The following FLI1 variants were observed in gnomAD, a reference collection of about 807,000 sequenced individuals.
FLI1 encodes the protein Fli-1 proto-oncogene, ETS transcription factor.
In FLI1, 13 loss-of-function variants were observed where a neutral mutation model predicts 53.1. That is an observed-to-expected ratio of 0.24 (90% confidence interval 0.16 to 0.39). The LOEUF is 0.39. FLI1 is among the 10% of genes least tolerant of loss of function. The pLI is 1.00. For missense variants in FLI1, 424 were observed against 600.5 expected, an observed-to-expected ratio of 0.71 and a Z score of 3.07; for synonymous variants, 244 against 236.7, an observed-to-expected ratio of 1.03 and a Z score of -0.28.
chr11:128,799,058 C>CTTTTTT (rs1942544964), intron 5 of FLI1, among the ~76,000 whole-genome samples: 13 of 102,752 alleles, frequency 1.3e-4, no homozygotes, highest in African/African-American at 4.3e-4. Flanking sequence ...TATTATTTTG[C>CTTTTTT]TTTGGAGACA....
At chr11:128,688,295 A>G (rs934345978) in intron 1 of FLI1, among the ~76,000 whole-genome samples, 1 of 152,198 alleles carries the variant, frequency 6.6e-6, no homozygotes, top group African/African-American at 2.4e-5. Context: ...GCAGTCTGGG[A>G]GCTGTGGGCC....
In FLI1 at chr11:128,810,615, A is replaced by G; in HGVS notation, c.986A>G (p.Asn329Ser). The G allele has an allele frequency of 6.2e-7, 1 of 1,614,054 alleles. No homozygotes were observed. Among genetic ancestry groups the G allele is most frequent in the African/African-American group, 1.3e-5 (1 of 75,066 alleles). Residue 329 changes from asparagine (N) to serine (S), a missense_variant, in exon 9 of 9, where the codon AAC becomes AGC. Around this residue, in one of 5 missense-constraint regions of FLI1, gnomAD observed 71 missense variants for 174.2 expected, o/e 0.41. Transcript: ENST00000527786. The surrounding 1 kb of genome is among the most constrained non-coding windows in gnomAD (Gnocchi z 6.6). The part of the protein sequence containing the change: ...RRWGERKSKP[N>S]MNYDKLSRAL... ...TGGGGCGAGCGGAAAAGCAAGCCCA[A>G]CATGAATTACGACAAGCTGAGCCGG... is the stretch of plus-strand genomic sequence containing the variant.
intron 7 of FLI1, among the ~76,000 whole-genome samples, chr11:128,808,393 A>G (rs928198673): frequency 1.3e-5 from 2 of 152,232 alleles, no homozygotes; most frequent in African/African-American, 4.8e-5. Flanking sequence ...ACTAACAAAA[A>G]AGGAGATAAA....
intron 5 of FLI1, among the ~76,000 whole-genome samples, chr11:128,782,628 G>A (rs1941951812): frequency 6.6e-6 from 1 of 152,166 alleles, no homozygotes; most frequent in African/African-American, 2.4e-5. Flanking sequence ...GACCCAGGAG[G>A]CAGAGGCTGC....
chr11:128,800,560 G>A (rs1057275401), intron 5 of FLI1, among the ~76,000 whole-genome samples: 3 of 152,198 alleles, frequency 2.0e-5, no homozygotes, highest in Non-Finnish European at 4.4e-5. Context: ...CAGAAGCTAA[G>A]TTAACATTGG....
At chr11:128,723,786 A>G (rs894870859) in intron 1 of FLI1, among the ~76,000 whole-genome samples, 1 of 152,206 alleles carries the variant, frequency 6.6e-6, no homozygotes, top group Non-Finnish European at 1.5e-5. Context: ...AAAGAGGTGT[A>G]AATGAACACT....
intron 1 of FLI1, among the ~76,000 whole-genome samples, chr11:128,720,519 G>C (rs1224986786): frequency 6.6e-6 from 1 of 152,112 alleles, no homozygotes; most frequent in African/African-American, 2.4e-5. Context: ...AGGCCAAGCC[G>C]GGCCTTCGCT....
chr11:128,771,503 G>A (rs1488864568), intron 3 of FLI1, among the ~76,000 whole-genome samples: 1 of 152,246 alleles, frequency 6.6e-6, no homozygotes, highest in Non-Finnish European at 1.5e-5. Context: ...TGAAGCGTGA[G>A]CCTTGCTTCT....
At chr11:128,757,476 T>TA (rs1207980187) in intron 1 of FLI1, among the ~76,000 whole-genome samples, 1 of 152,180 alleles carries the variant, frequency 6.6e-6, no homozygotes, top group Non-Finnish European at 1.5e-5. Context: ...GAGCATTTCT[T>TA]ACAAGCTACA....
intron 1 of FLI1, among the ~76,000 whole-genome samples, chr11:128,715,405 T>C (rs1938967707): frequency 1.3e-5 from 2 of 152,142 alleles, no homozygotes; most frequent in South Asian, 2.1e-4. Flanking sequence ...CTTGTCCAAA[T>C]AGAAATGAAT....
intron 3 of FLI1, among the ~76,000 whole-genome samples, chr11:128,769,029 A>G (rs1374885257): frequency 6.6e-6 from 1 of 152,220 alleles, no homozygotes; most frequent in African/African-American, 2.4e-5. Context: ...CAGCTCTTTC[A>G]GTTTTAAAAT....
intron 1 of FLI1, among the ~76,000 whole-genome samples, chr11:128,697,095 C>A (rs1938112661): frequency 6.6e-6 from 1 of 152,218 alleles, no homozygotes; most frequent in African/African-American, 2.4e-5. Context: ...GGTTAACTTG[C>A]AGTATTAAAC....
chr11:128,703,725 C>G (rs139329912), intron 1 of FLI1, among the ~76,000 whole-genome samples: 2,471 of 151,758 alleles, frequency 0.016, 73 homozygotes, highest in African/African-American at 0.056. Flanking sequence ...TGCCTGTAGT[C>G]CCAGCTACTG....
intron 1 of FLI1, among the ~76,000 whole-genome samples, chr11:128,708,671 T>C (rs1938657825): frequency 6.6e-6 from 1 of 152,178 alleles, no homozygotes; most frequent in Non-Finnish European, 1.5e-5. Context: ...TTTGAGTTTC[T>C]TCAAGAAAAG....
chr11:128,704,085 T>C (rs1299414174), intron 1 of FLI1, among the ~76,000 whole-genome samples: 1 of 152,204 alleles, frequency 6.6e-6, no homozygotes, highest in Non-Finnish European at 1.5e-5. Flanking sequence ...TCATCATTCA[T>C]GTTAAAGGTC....
intron 6 of FLI1, chr11:128,806,719 G>A (rs778702378): frequency 2.0e-5 from 3 of 152,588 alleles, no homozygotes; most frequent in South Asian, 2.1e-4. Context: ...AGATACCAAG[G>A]AGGAAACTCA....
At chr11:128,779,265 A>AT (rs1228259635) in intron 4 of FLI1, among the ~76,000 whole-genome samples, 1 of 152,116 alleles carries the variant, frequency 6.6e-6, no homozygotes, top group African/African-American at 2.4e-5. Context: ...GGAGACCATC[A>AT]TTTTTCTTTA....
chr11:128,775,429 T>C (rs1191242226), intron 4 of FLI1, among the ~76,000 whole-genome samples: 1 of 152,052 alleles, frequency 6.6e-6, no homozygotes, highest in Non-Finnish European at 1.5e-5. Context: ...CTTAAAATGA[T>C]CCACTGTCAG....
At chr11:128,694,712 G>A (rs1026853655) in intron 1 of FLI1, among the ~76,000 whole-genome samples, 4 of 152,214 alleles carry the variant, frequency 2.6e-5, no homozygotes, top group South Asian at 2.1e-4. Context: ...CGGGGGCGGG[G>A]GCTGCAGTCG....
Sources: allele counts gnomAD v4.1 joint callset (sites outside exome capture counted in the v4.1 genomes callset), GRCh38; gene constraint gnomAD v4.1.1; regional missense constraint gnomAD v4.1.1; non-coding constraint Gnocchi (gnomAD v3.1); transcripts MANE v1.5; gene names NCBI Gene and HGNC (gene_info 2026-07-23, HGNC 2026-07-21).